LRRC7: variants seen among roughly 807,000 people sequenced by gnomAD.
The protein encoded by LRRC7 is leucine-rich repeat-containing protein 7.
A neutral mutation model predicts 175.7 loss-of-function variants in LRRC7; 23 were observed. That is an observed-to-expected ratio of 0.13 (90% CI 0.09 to 0.19). The LOEUF (loss-of-function observed/expected upper bound fraction) is 0.19, where lower values mean the gene tolerates loss of function less well. LRRC7 is among the 10% of genes least tolerant of loss of function. LRRC7 has a pLI of 1.00. For synonymous variants in LRRC7, 685 were observed against 680.9 expected (o/e 1.01, Z -0.09); for missense variants, 1,354 against 1,904.7 (o/e 0.71, Z 5.38).
At chr1:69,656,306 T>C (rs1487927650) in intron 1 of LRRC7, among the ~76,000 whole-genome samples, 1 of 152,012 alleles carries the variant, frequency 6.6e-6, no homozygotes, top group Non-Finnish European at 1.5e-5. Context: ...TATGAGATGG[T>C]ATATTGTCAG....
intron 17 of LRRC7, among the ~76,000 whole-genome samples, chr1:70,026,446 A>G (rs1013801874): frequency 4.6e-5 from 7 of 152,120 alleles, no homozygotes; most frequent in Non-Finnish European, 1.0e-4. Context: ...TAACATTTCT[A>G]ATACCAACTT....
chr1:69,600,722 A>G (rs1488591965), intron 1 of LRRC7, among the ~76,000 whole-genome samples: 3 of 151,388 alleles, frequency 2.0e-5, no homozygotes, highest in Non-Finnish European at 1.5e-5. Context: ...TGGACAGTAC[A>G]AGATACTCCA....
intron 22 of LRRC7, among the ~76,000 whole-genome samples, chr1:70,051,212 G>A (rs1173144116): frequency 6.6e-6 from 1 of 151,906 alleles, no homozygotes; most frequent in Non-Finnish European, 1.5e-5. Flanking sequence ...GAGTTGGGGA[G>A]GATGTGGAGA....
At chr1:70,023,474 T>G in intron 17 of LRRC7, 100 bp downstream of exon 17, 1 of 1,245,410 alleles carries the variant, frequency 8.0e-7, no homozygotes, top group Non-Finnish European at 1.1e-6. Context: ...GTAAGAAATG[T>G]TGATCACATA....
intron 7 of LRRC7, among the ~76,000 whole-genome samples, chr1:69,914,505 C>A (rs1417158241): frequency 6.6e-6 from 1 of 152,076 alleles, no homozygotes; most frequent in Admixed American, 6.6e-5. Context: ...GCATTAAGAG[C>A]AAATGTCTCT....
chr1:70,016,583 A>C, intron 14 of LRRC7, 49 bp downstream of exon 14: 1 of 1,406,840 alleles, frequency 7.1e-7, no homozygotes, highest in Non-Finnish European at 9.6e-7. Flanking sequence ...ACTATAATTG[A>C]AAGTTTGAAT....
In LRRC7 at chr1:70,129,860, T is replaced by C. The variant is rs554767919; in HGVS notation, c.*7973T>C. Reference sequence around the variant, plus strand: ...TGAATCTGGAAATTGTTTTCTTTTCTTCACCCTATGCATACTCAGTGTTTT... The same window carrying C: ...TGAATCTGGAAATTGTTTTCTTTTCCTCACCCTATGCATACTCAGTGTTTT... On this transcript the variant is annotated 3_prime_UTR_variant, in exon 27 of 27. Transcript: ENST00000651989. Among the ~76,000 whole-genome samples, 7 of 152,336 alleles carry C rather than the reference T, an allele frequency of 4.6e-5. No individual in the cohort carries two copies. The highest frequency in any genetic ancestry group is 1.4e-4 in the African/African-American group (6 of 41,588).
At chr1:69,607,165 T>A (rs2101016192) in intron 1 of LRRC7, 1 of 152,244 alleles carries the variant, frequency 6.6e-6, no homozygotes, top group Middle Eastern at 3.4e-3. Flanking sequence ...GAAGTATGGT[T>A]TAATGCTCTT....
At position 69,925,489 on chromosome 1, in the gene LRRC7, G is replaced by C. The variant is rs565332020; in HGVS notation, c.648-6018G>C. 9.2e-4 allele frequency among the ~76,000 whole-genome samples: 140 copies of C among 152,042 alleles called. 2 individuals are homozygous for C. The highest frequency in any genetic ancestry group is 8.9e-3 in the Admixed American group (136 of 15,272). On this transcript the variant is annotated intron_variant, in intron 7 of 26. Transcript: ENST00000651989. ...GCCACAATTTCAGAGGCTGTTATTG[G>C]TCTATTCAGAGATTCAACTTCTTCC...
chr1:70,036,408 T>C, intron 19 of LRRC7, 36 bp from the exon 20 acceptor site: 2 of 1,579,544 alleles, frequency 1.3e-6, no homozygotes, highest in Non-Finnish European at 1.7e-6. Context: ...ATTGTCAGTG[T>C]CATAGCATTA....
chr1:69,942,091 G>A (rs1284403899), intron 8 of LRRC7, among the ~76,000 whole-genome samples: 2 of 152,098 alleles, frequency 1.3e-5, no homozygotes, highest in Non-Finnish European at 2.9e-5. Flanking sequence ...CTCTGGCCCT[G>A]CACCTTCATG....
At chr1:69,678,639 GTGCTTACTTAGAACAT>G (rs932427059) in intron 2 of LRRC7, among the ~76,000 whole-genome samples, 161 bp downstream of exon 2, 10 of 152,236 alleles carry the variant, frequency 6.6e-5, no homozygotes, top group African/African-American at 2.4e-4. Flanking sequence ...CTGAATGTAA[GTGCTTACTTAGAACAT>G]TGCTTTCTTA....
chr1:70,099,613 T>C (rs1050830977), intron 25 of LRRC7, among the ~76,000 whole-genome samples: 1 of 152,200 alleles, frequency 6.6e-6, no homozygotes, highest in African/African-American at 2.4e-5. Flanking sequence ...GCAGATAGTG[T>C]CAAAAAATTA....
At position 70,142,181 on chromosome 1, in the gene LRRC7, T is replaced by C. The variant is rs1039612274; in HGVS notation, c.*20294T>C. The C allele has an allele frequency of 1.3e-5, 2 of 152,156 alleles. No individual in the cohort carries two copies. The highest frequency in any genetic ancestry group is 4.8e-5 in the African/African-American group (2 of 41,466). 9.4% of individuals were successfully genotyped at this position (152,156 alleles called of 1,614,324 possible). On this transcript the variant is annotated 3_prime_UTR_variant, in exon 27 of 27. Transcript: ENST00000651989. Reference sequence around the variant, plus strand: ...GAATATATTGTTGAAATAATTTTTATTTTCAATACTTGTAGTCTTTCCACT... The same window carrying C: ...GAATATATTGTTGAAATAATTTTTACTTTCAATACTTGTAGTCTTTCCACT...
rs371804509 is a variant in LRRC7, at chr1:69,862,745, TAC to T, written c.647+24464_647+24465del. On this transcript the variant is annotated intron_variant, in intron 7 of 26. Transcript: ENST00000651989. The stretch of plus-strand genomic sequence containing the variant: ...AGTTCTGGGGTACATGTGCGGAATG[TAC>T]AGTTTTGTTACATAGTTATACGCAT... Among the ~76,000 whole-genome samples, 31 of 152,264 alleles carry T rather than the reference TAC, an allele frequency of 2.0e-4. No individual in the cohort carries two copies. The East Asian group carries it at 3.7e-3, about 18-fold the overall frequency.
chr1:69,787,246 C>T (rs1674552147), intron 3 of LRRC7, among the ~76,000 whole-genome samples: 1 of 152,226 alleles, frequency 6.6e-6, no homozygotes, highest in Admixed American at 6.5e-5. Context: ...CGGCCCCCCT[C>T]CCAGCTGCTT....
At position 69,636,694 on chromosome 1, in the gene LRRC7, TATTCCTC is replaced by T. The variant is rs1262439330; in HGVS notation, c.3-41683_3-41677del. On this transcript the variant is annotated intron_variant, in intron 1 of 26. Transcript: ENST00000651989. ...CTTTCTCAGGTCAAAGAAATTTCGGTATTCCTCATTTGTTGACAAATAAAGACCTCAG... is the reference window on the plus strand; with the variant it reads ...CTTTCTCAGGTCAAAGAAATTTCGGTATTTGTTGACAAATAAAGACCTCAG... Among the ~76,000 whole-genome samples, 5 of 152,132 alleles carry T rather than the reference TATTCCTC, an allele frequency of 3.3e-5. No individual in the cohort carries two copies. The East Asian group carries it at 9.7e-4, about 30-fold the overall frequency.
intron 1 of LRRC7, among the ~76,000 whole-genome samples, chr1:69,665,680 A>C (rs1658158359): frequency 6.6e-6 from 1 of 151,884 alleles, no homozygotes; most frequent in Admixed American, 6.6e-5. Flanking sequence ...TTTGTATCCT[A>C]CAACTTTACT....
chr1:69,910,040 C>A (rs969036298), intron 7 of LRRC7, among the ~76,000 whole-genome samples: 7 of 152,190 alleles, frequency 4.6e-5, no homozygotes, highest in Admixed American at 6.5e-5. Flanking sequence ...ATCACTGATA[C>A]CCTTTCTTCC....
Sources: gnomAD v4.1 joint callset for allele counts (sites outside exome capture counted in the v4.1 genomes callset) on GRCh38, gnomAD v4.1.1 for gene constraint, MANE v1.5 for transcripts, NCBI Gene and HGNC (gene_info 2026-07-23, HGNC 2026-07-21) for gene names.